Variants in TLN2 observed in about 807,000 individuals in gnomAD.
TLN2 encodes the protein talin-2.
In TLN2, 118 loss-of-function variants were observed where a neutral mutation model predicts 294.7. That is an observed-to-expected ratio of 0.40 (90% CI 0.34 to 0.47). TLN2 has a LOEUF of 0.47. Among genes scored for constraint, TLN2 ranks in the 20% least tolerant of loss-of-function variants. TLN2 has a pLI of 0.84. For missense variants in TLN2, 3,083 were observed against 3,282.2 expected, an observed-to-expected ratio of 0.94 and a Z score of 1.48; for synonymous variants, 1,431 against 1,304.5, an observed-to-expected ratio of 1.10 and a Z score of -2.09.
intron 1 of TLN2, among the ~76,000 whole-genome samples, chr15:62,543,547 A>G (rs543896838): frequency 1.3e-5 from 2 of 152,174 alleles, no homozygotes; most frequent in East Asian, 3.9e-4. Context: ...CACAAGGTCA[A>G]GAGATTGAGA....
Position 62,556,384 on chromosome 15 carries a change from G to A in TLN2, c.-237-33303G>A, listed in dbSNP as rs182810913. ...TGCAGTGGCACGATCAGGGCTCACC[G>A]CAGCCTCAACCTTCTGGGCTTGGGT... On this transcript the variant is annotated intron_variant, in intron 1 of 58. Coordinates refer to ENST00000636159, the MANE Select transcript of TLN2 (RefSeq NM_015059.3). Among the ~76,000 whole-genome samples, 142 of 151,732 alleles carry A rather than the reference G, an allele frequency of 9.4e-4. 3 individuals are homozygous for A. The South Asian group carries it at 0.028, about 30-fold the overall frequency.
rs1169424815 is a variant in TLN2 at position 62,838,862 on chromosome 15, G to A, written c.7381G>A (p.Gly2461Arg). 3.7e-6 allele frequency: 6 copies of A among 1,609,242 alleles called. No homozygotes were observed. Among genetic ancestry groups the A allele is most frequent in the Non-Finnish European group, 4.2e-6 (5 of 1,179,886 alleles). Residue 2461 changes from glycine to arginine, a missense_variant, in exon 58 of 59, where the codon GGA (glycine) becomes AGA (arginine). Coordinates refer to ENST00000636159, the MANE Select transcript of TLN2 (RefSeq NM_015059.3). The part of the protein sequence containing the change: ...SEAMRRLQAA[G>R]NAVKRASDNL... ...TGTTTTGTTCACTCTCCAGGCGGCA[G>A]GAAATGCTGTGAAAAGAGCCTCAGA...
chr15:62,426,983 C>A (rs2034753379), intron 1 of TLN2, among the ~76,000 whole-genome samples: 1 of 152,148 alleles, frequency 6.6e-6, no homozygotes, highest in South Asian at 2.1e-4. Context: ...ATAGCTTAAG[C>A]AAAAGGTAGA....
chr15:62,800,949 T>C (rs374593078), intron 50 of TLN2, among the ~76,000 whole-genome samples, 180 bp downstream of exon 50: 10 of 152,192 alleles, frequency 6.6e-5, no homozygotes, highest in African/African-American at 2.4e-4. Flanking sequence ...TGAGTTTGGC[T>C]GGGATTGATT....
At chr15:62,830,544 A>G (rs1373391670) in intron 54 of TLN2, 2 of 151,338 alleles carry the variant, frequency 1.3e-5, no homozygotes, top group African/African-American at 4.9e-5. Context: ...TCCATTCTGC[A>G]TGCTAATGGG....
intron 1 of TLN2, among the ~76,000 whole-genome samples, chr15:62,500,804 A>G (rs1417311409): frequency 2.0e-5 from 3 of 152,220 alleles, no homozygotes; most frequent in African/African-American, 7.2e-5. Flanking sequence ...TTTTCCTGCT[A>G]TTTAATATGC....
At chr15:62,527,943 G>C (rs558568822) in intron 1 of TLN2, among the ~76,000 whole-genome samples, 1 of 152,070 alleles carries the variant, frequency 6.6e-6, no homozygotes, top group East Asian at 1.9e-4. Flanking sequence ...GACTTTTCCA[G>C]ATTATAAAAA....
At chr15:62,575,785 G>A (rs953345095) in intron 1 of TLN2, among the ~76,000 whole-genome samples, 3 of 152,146 alleles carry the variant, frequency 2.0e-5, no homozygotes, top group Non-Finnish European at 4.4e-5. Context: ...TTCCATGTTC[G>A]TTACTTCATC....
rs1322832385 is a variant in TLN2 at position 62,819,636 on chromosome 15, C to G, written c.6877+15C>G. The stretch of plus-strand genomic sequence containing the variant: ...AGCCATGAAAGGTAGGCTGGATTCT[C>G]ACGTCTTGGTGGAGGGCAACCCTCC... On this transcript the variant is annotated intron_variant, in intron 53 of 58. Transcript: ENST00000636159. 6.2e-7 allele frequency: 1 copy of G among 1,605,142 alleles called. No homozygotes were observed. The highest frequency in any genetic ancestry group is 8.5e-7 in the Non-Finnish European group (1 of 1,178,684).
intron 32 of TLN2, 24 bp downstream of exon 32, chr15:62,740,793 T>G (rs969580024): frequency 6.2e-7 from 1 of 1,613,716 alleles, no homozygotes; most frequent in Non-Finnish European, 8.5e-7. Flanking sequence ...ACAATGTGCT[T>G]TCGTGTGTGG....
At chr15:62,819,407 A>C in intron 52 of TLN2, 109 bp from the exon 53 acceptor site, 1 of 869,600 alleles carries the variant, frequency 1.1e-6, no homozygotes, top group Non-Finnish European at 1.9e-6. Flanking sequence ...ACAGAGATGC[A>C]ACTTAAAACC....
At chr15:62,635,328 G>T (rs2050271184) in intron 3 of TLN2, among the ~76,000 whole-genome samples, 1 of 152,094 alleles carries the variant, frequency 6.6e-6, no homozygotes, top group Non-Finnish European at 1.5e-5. Flanking sequence ...CCTTATTTAT[G>T]ATAGGAAAAA....
chr15:62,711,855 T>A (rs914176787), intron 21 of TLN2, 56 bp from the exon 22 acceptor site: 7 of 1,545,270 alleles, frequency 4.5e-6, no homozygotes, highest in Non-Finnish European at 4.4e-6. Context: ...CTCCTGAGGT[T>A]TTACTGACCT....
intron 32 of TLN2, among the ~76,000 whole-genome samples, chr15:62,742,113 C>G (rs868508557): frequency 6.9e-6 from 1 of 145,834 alleles, no homozygotes. Context: ...GCTTGCAAAC[C>G]CTTGAGTTTC....
intron 19 of TLN2, among the ~76,000 whole-genome samples, chr15:62,706,519 G>A (rs556625163): frequency 6.6e-6 from 1 of 152,374 alleles, no homozygotes; most frequent in East Asian, 1.9e-4. Flanking sequence ...TGGCTCTTGA[G>A]CTATAGGTAT....
At chr15:62,763,731 C>A in intron 40 of TLN2, 36 bp downstream of exon 40, 1 of 1,548,824 alleles carries the variant, frequency 6.5e-7, no homozygotes. Flanking sequence ...TTAGTCGCCT[C>A]TAGATATGTT....
At chr15:62,743,789 G>A (rs1374478063) in intron 32 of TLN2, among the ~76,000 whole-genome samples, 1 of 152,160 alleles carries the variant, frequency 6.6e-6, no homozygotes, top group Non-Finnish European at 1.5e-5. Flanking sequence ...ATCCTGGCCA[G>A]AAGGACTCCA....
intron 1 of TLN2, among the ~76,000 whole-genome samples, chr15:62,456,763 A>G (rs577725464): frequency 5.9e-5 from 9 of 152,318 alleles, no homozygotes; most frequent in African/African-American, 2.2e-4. Context: ...TACAAGTACA[A>G]AGGCTGTGTG....
At chr15:62,482,212 G>A (rs1480611021) in intron 1 of TLN2, among the ~76,000 whole-genome samples, 1 of 152,030 alleles carries the variant, frequency 6.6e-6, no homozygotes, top group African/African-American at 2.4e-5. Flanking sequence ...ATATTGCATT[G>A]CACATTTCTG....
Sources: allele counts gnomAD v4.1 joint callset (sites outside exome capture counted in the v4.1 genomes callset), GRCh38; gene constraint gnomAD v4.1.1; transcripts MANE v1.5; gene names NCBI Gene and HGNC (gene_info 2026-07-23, HGNC 2026-07-21).